GRIK2: variants seen among roughly 807,000 people sequenced by gnomAD.
GRIK2 encodes glutamate receptor ionotropic, kainate 2.
In GRIK2, 32 loss-of-function variants were observed where a neutral mutation model predicts 100.3. That is an observed-to-expected ratio of 0.32 (90% confidence interval 0.24 to 0.43). The LOEUF is 0.43. Ranked by LOEUF, GRIK2 falls within the 20% of genes least tolerant of loss-of-function variation. The pLI, the probability that GRIK2 is intolerant of heterozygous loss-of-function variation, is 1.00. For synonymous variants in GRIK2, 417 were observed against 389.4 expected (o/e 1.07, Z -0.83); for missense variants, 843 against 1,114.9 (o/e 0.76, Z 3.47).
chr6:101,949,355 C>A (rs1345746603), intron 14 of GRIK2, among the ~76,000 whole-genome samples: 4 of 152,002 alleles, frequency 2.6e-5, no homozygotes, highest in African/African-American at 9.7e-5. Flanking sequence ...GGTCTAGGAA[C>A]TCCTCTTTGA....
intron 7 of GRIK2, among the ~76,000 whole-genome samples, chr6:101,773,874 T>C (rs1442295839): frequency 6.6e-6 from 1 of 152,198 alleles, no homozygotes; most frequent in Non-Finnish European, 1.5e-5. Context: ...ATGAAAATTG[T>C]ACTTTTTCAA....
At chr6:101,582,227 A>G (rs1484323051) in intron 2 of GRIK2, among the ~76,000 whole-genome samples, 3 of 146,032 alleles carry the variant, frequency 2.1e-5, no homozygotes, top group African/African-American at 7.3e-5. Flanking sequence ...CTAGCCCCCT[A>G]CTCCCCAACA....
intron 7 of GRIK2, among the ~76,000 whole-genome samples, chr6:101,754,764 A>T (rs1014145148): frequency 6.6e-6 from 1 of 152,222 alleles, no homozygotes; most frequent in Non-Finnish European, 1.5e-5. Context: ...GGAACGAGGG[A>T]TGAGTGATCC....
chr6:101,845,944 C>T (rs1285005056), intron 10 of GRIK2, among the ~76,000 whole-genome samples: 1 of 151,848 alleles, frequency 6.6e-6, no homozygotes, highest in Non-Finnish European at 1.5e-5. Context: ...TGCTTGTTGA[C>T]ATCTATATGT....
chr6:101,782,577 A>G (rs528363840), intron 7 of GRIK2, among the ~76,000 whole-genome samples: 4 of 152,188 alleles, frequency 2.6e-5, no homozygotes, highest in Non-Finnish European at 5.9e-5. Flanking sequence ...TATTGTGTAT[A>G]TATCCTACAT....
At chr6:101,799,843 G>A (rs1780563190) in intron 8 of GRIK2, 52 bp downstream of exon 8, 1 of 1,437,386 alleles carries the variant, frequency 7.0e-7, no homozygotes. Flanking sequence ...CAAGCTGAAT[G>A]AAGTGAGATT....
intron 11 of GRIK2, among the ~76,000 whole-genome samples, chr6:101,886,326 T>C (rs1258220943): frequency 2.6e-5 from 4 of 152,072 alleles, no homozygotes; most frequent in Non-Finnish European, 5.9e-5. Context: ...TGTAATACAG[T>C]CTGTTTGTAT....
chr6:101,614,382 T>C (rs1050053660), intron 2 of GRIK2, among the ~76,000 whole-genome samples: 1 of 151,698 alleles, frequency 6.6e-6, no homozygotes, highest in East Asian at 1.9e-4. Context: ...GATTAAACAA[T>C]TGCTTATATT....
intron 14 of GRIK2, among the ~76,000 whole-genome samples, chr6:102,022,888 G>A (rs1403763545): frequency 6.6e-6 from 1 of 151,412 alleles, no homozygotes; most frequent in South Asian, 2.1e-4. Context: ...TCTATCTTAA[G>A]AGTAACAGAG....
intron 10 of GRIK2, among the ~76,000 whole-genome samples, chr6:101,824,344 C>G (rs1486305202): frequency 6.6e-6 from 1 of 152,100 alleles, no homozygotes; most frequent in African/African-American, 2.4e-5. Context: ...GTCTTTGCAT[C>G]TTCATAGCTT....
chr6:101,704,303 G>T (rs1344812081), intron 7 of GRIK2, among the ~76,000 whole-genome samples: 2 of 151,740 alleles, frequency 1.3e-5, no homozygotes, highest in Non-Finnish European at 2.9e-5. Flanking sequence ...GGAAGTAAGG[G>T]AATGTGTGAG....
intron 14 of GRIK2, among the ~76,000 whole-genome samples, chr6:101,934,766 A>T (rs1315874580): frequency 2.6e-5 from 4 of 151,938 alleles, no homozygotes; most frequent in African/African-American, 7.2e-5. Flanking sequence ...GAAGAGATTT[A>T]CTCATTAGCA....
chr6:101,882,595 A>G (rs180677961), intron 11 of GRIK2, among the ~76,000 whole-genome samples: 2 of 152,092 alleles, frequency 1.3e-5, no homozygotes, highest in Middle Eastern at 3.4e-3. Context: ...TTCATGCCCT[A>G]CAAGTGTGAG....
At position 101,743,565 on chromosome 6, in the gene GRIK2, A is replaced by G. The variant is rs577637099; in HGVS notation, c.952-56083A>G. On this transcript the variant is annotated intron_variant, in intron 7 of 16. Transcript: ENST00000369134. ...GAGGCTTCCTTCCATAGTTTTTTCC[A>G]TAGTCTTTTATCTACACCTTGTTCT... 6.4e-4 allele frequency among the ~76,000 whole-genome samples: 98 copies of G among 152,012 alleles called. 1 individual carries two copies. The highest frequency in any genetic ancestry group is 2.3e-3 in the African/African-American group (97 of 41,470).
intron 14 of GRIK2, among the ~76,000 whole-genome samples, chr6:101,955,016 C>T (rs565450521): frequency 1.6e-4 from 24 of 152,110 alleles, no homozygotes; most frequent in African/African-American, 5.5e-4. Context: ...TGTTTGTGCA[C>T]TTTAAAACAA....
chr6:101,667,440 C>T (rs888411920), intron 4 of GRIK2, among the ~76,000 whole-genome samples: 3 of 152,126 alleles, frequency 2.0e-5, no homozygotes, highest in Non-Finnish European at 2.9e-5. Flanking sequence ...TACACACATA[C>T]ACATGTACAT....
chr6:101,417,811 C>G (rs1418054618), intron 2 of GRIK2, among the ~76,000 whole-genome samples: 1 of 152,154 alleles, frequency 6.6e-6, no homozygotes, highest in Non-Finnish European at 1.5e-5. Context: ...GAAATTCCAC[C>G]ACTTACAAAG....
intron 2 of GRIK2, among the ~76,000 whole-genome samples, chr6:101,564,825 G>C (rs1777177044): frequency 6.6e-6 from 1 of 152,026 alleles, no homozygotes; most frequent in Non-Finnish European, 1.5e-5. Flanking sequence ...GATTTGTTCA[G>C]ATTAAAGGAA....
chr6:101,464,099 T>A (rs1225378299), intron 2 of GRIK2, among the ~76,000 whole-genome samples: 1 of 152,194 alleles, frequency 6.6e-6, no homozygotes, highest in Non-Finnish European at 1.5e-5. Flanking sequence ...ATATTGTTTT[T>A]ATTACTTGAA....
Sources: gnomAD v4.1 joint callset for allele counts (sites outside exome capture counted in the v4.1 genomes callset) on GRCh38, gnomAD v4.1.1 for gene constraint, MANE v1.5 for transcripts, NCBI Gene and HGNC (gene_info 2026-07-23, HGNC 2026-07-21) for gene names.